Variants in LRP1B observed in about 807,000 individuals in gnomAD.
The protein encoded by LRP1B is low-density lipoprotein receptor-related protein 1B.
A neutral mutation model predicts 556.6 loss-of-function variants in LRP1B; 217 were observed. The observed-to-expected ratio is 0.39, with a 90% CI of 0.35 to 0.44. The LOEUF (loss-of-function observed/expected upper bound fraction) is 0.44, where lower values mean the gene tolerates loss of function less well. Ranked by LOEUF, LRP1B falls within the 20% of genes least tolerant of loss-of-function variation. The pLI, the probability that LRP1B is intolerant of heterozygous loss-of-function variation, is 1.00. For synonymous variants in LRP1B, 2,047 were observed against 1,865.8 expected (o/e 1.10, Z -2.50); for missense variants, 5,053 against 5,620.8 (o/e 0.90, Z 3.23).
intron 7 of LRP1B, among the ~76,000 whole-genome samples, chr2:141,188,189 A>C (rs1006999754): frequency 2.6e-5 from 4 of 151,976 alleles, no homozygotes; most frequent in Non-Finnish European, 5.9e-5. Flanking sequence ...GGGAAGATGG[A>C]AGGTTATTTG....
At chr2:141,193,357 CTGAT>C in intron 6 of LRP1B, among the ~76,000 whole-genome samples, 1 of 151,906 alleles carries the variant, frequency 6.6e-6, no homozygotes, top group Admixed American at 6.6e-5. Context: ...CTCATCGTGA[CTGAT>C]TGGATAAAGA....
chr2:141,122,635 C>A (rs1159838311), intron 7 of LRP1B, among the ~76,000 whole-genome samples: 1 of 152,112 alleles, frequency 6.6e-6, no homozygotes, highest in Non-Finnish European at 1.5e-5. Flanking sequence ...AATAGGAACA[C>A]TTTTATACTG....
rs573751522 is a variant in LRP1B at position 141,506,737 on chromosome 2, GA to G, written c.206-26205del. On this transcript the variant is annotated intron_variant, in intron 2 of 90. Coordinates refer to ENST00000389484, the MANE Select transcript of LRP1B (RefSeq NM_018557.3). ...CACTTTTGGACGGCTATATACAACAGAAAAAAAAAATTTACTTCTCAAAATA... is the reference window on the plus strand; with the variant it reads ...CACTTTTGGACGGCTATATACAACAGAAAAAAAAATTTACTTCTCAAAATA... Among the ~76,000 whole-genome samples, 513 of 151,854 alleles carry G rather than the reference GA, an allele frequency of 3.4e-3. 4 individuals carry two copies. Among genetic ancestry groups the G allele is most frequent in the African/African-American group, 0.01 (418 of 41,466 alleles).
rs923631976 is a variant in LRP1B at position 142,039,279 on chromosome 2, C to T, written c.82+91369G>A. ...AGGCTGGAGATAGCCACAGATGGCT[C>T]CTCCCCATTGCATATTAACATTATA... On this transcript the variant is annotated intron_variant, in intron 1 of 90. Transcript: ENST00000389484. 4.0e-5 allele frequency among the ~76,000 whole-genome samples: 6 copies of T among 151,494 alleles called. No homozygotes were observed. In the East Asian group the frequency reaches 1.2e-3, roughly 29 times the overall value.
chr2:140,674,870 G>T (rs1685615388), intron 41 of LRP1B, among the ~76,000 whole-genome samples: 1 of 152,216 alleles, frequency 6.6e-6, no homozygotes, highest in East Asian at 1.9e-4. Context: ...GTTTCTTGAT[G>T]CTGTTGTAAC....
intron 27 of LRP1B, among the ~76,000 whole-genome samples, chr2:140,864,740 T>G (rs1692898775): frequency 6.6e-6 from 1 of 152,048 alleles, no homozygotes; most frequent in Admixed American, 6.6e-5. Flanking sequence ...GCTTCGTGAA[T>G]TATATATTTT....
At chr2:141,220,622 G>GA (rs553644230) in intron 6 of LRP1B, among the ~76,000 whole-genome samples, 4,257 of 118,012 alleles carry the variant, frequency 0.036, 85 homozygotes, top group African/African-American at 0.058. Flanking sequence ...TCCAAGGTTG[G>GA]AAAAAAAAAA....
chr2:141,154,172 TA>T (rs1397449650), intron 7 of LRP1B, among the ~76,000 whole-genome samples: 1 of 151,890 alleles, frequency 6.6e-6, no homozygotes, highest in Non-Finnish European at 1.5e-5. Flanking sequence ...GACTATAGTT[TA>T]AAGAATGAAG....
At chr2:141,877,371 A>C (rs1698803960) in intron 1 of LRP1B, among the ~76,000 whole-genome samples, 1 of 151,976 alleles carries the variant, frequency 6.6e-6, no homozygotes, top group Non-Finnish European at 1.5e-5. Context: ...CCATGACTGC[A>C]TCTATAATAG....
chr2:142,024,893 A>G (rs1018260283), intron 1 of LRP1B, among the ~76,000 whole-genome samples: 4 of 152,046 alleles, frequency 2.6e-5, no homozygotes, highest in African/African-American at 9.7e-5. Flanking sequence ...CTATTTTTTG[A>G]GCACCTACCC....
intron 8 of LRP1B, among the ~76,000 whole-genome samples, chr2:141,061,377 T>C (rs1340844465): frequency 6.6e-6 from 1 of 151,786 alleles, no homozygotes; most frequent in African/African-American, 2.4e-5. Flanking sequence ...TCACATAAAA[T>C]AAGTGCCATT....
intron 43 of LRP1B, among the ~76,000 whole-genome samples, chr2:140,560,904 T>C (rs561533238): frequency 1.2e-4 from 19 of 152,318 alleles, no homozygotes; most frequent in Middle Eastern, 3.4e-3. Context: ...AACAACTATA[T>C]ATATACATGT....
intron 2 of LRP1B, among the ~76,000 whole-genome samples, chr2:141,481,969 C>A (rs528865171): frequency 2.6e-5 from 4 of 152,182 alleles, no homozygotes; most frequent in African/African-American, 9.6e-5. Flanking sequence ...CTGTTGTAAA[C>A]CCCTTTCCTC....
At chr2:140,358,297 T>C (rs1366086369) in intron 73 of LRP1B, among the ~76,000 whole-genome samples, 181 bp from the exon 74 acceptor site, 3 of 151,694 alleles carry the variant, frequency 2.0e-5, no homozygotes, top group Non-Finnish European at 2.9e-5. Context: ...GAAAAGTAAC[T>C]GTGTGTTTAC....
chr2:141,408,728 T>A (rs1690737464), intron 3 of LRP1B, among the ~76,000 whole-genome samples: 1 of 152,202 alleles, frequency 6.6e-6, no homozygotes, highest in Non-Finnish European at 1.5e-5. Flanking sequence ...CTGATTTATT[T>A]CACTCTGAAT....
intron 2 of LRP1B, among the ~76,000 whole-genome samples, chr2:141,612,898 G>T (rs959189984): frequency 6.6e-6 from 1 of 152,052 alleles, no homozygotes; most frequent in Non-Finnish European, 1.5e-5. Context: ...TCCCTCCCTG[G>T]TTCATGCCAT....
At chr2:141,881,785 G>A (rs2104895279) in intron 1 of LRP1B, among the ~76,000 whole-genome samples, 1 of 152,162 alleles carries the variant, frequency 6.6e-6, no homozygotes. Context: ...TTCACTGATG[G>A]TGAATTATCG....
chr2:141,062,251 C>T lies in LRP1B; in HGVS notation c.1036G>A (p.Gly346Arg), dbSNP rs763797972. 2 of 1,608,564 alleles carry T rather than the reference C, an allele frequency of 1.2e-6. No homozygotes were observed. The highest frequency in any genetic ancestry group is 1.1e-5 in the South Asian group (1 of 90,476). The change falls in exon 8 of 91, where the codon GGG becomes AGG. Residue 346 changes from glycine (G) to arginine (R), a missense_variant. Transcript: ENST00000389484. ...CATCTCTCCACTTTGGCGACATTCC[C>T]GTAGTCAGTAAAGAAAAGTTTTCTG... The part of the protein sequence containing the change: ...IAGKLFFTDY[G>R]NVAKVERCDM...
chr2:140,627,806 T>A (rs1373708740), intron 41 of LRP1B, among the ~76,000 whole-genome samples: 16 of 152,188 alleles, frequency 1.1e-4, no homozygotes, highest in Admixed American at 1.0e-3. Context: ...AATTGGTATC[T>A]GTAAGACACT....
Sources: allele counts gnomAD v4.1 joint callset (sites outside exome capture counted in the v4.1 genomes callset), GRCh38; gene constraint gnomAD v4.1.1; transcripts MANE v1.5; gene names NCBI Gene and HGNC (gene_info 2026-07-23, HGNC 2026-07-21).